ADCY2: variants seen among roughly 807,000 people sequenced by gnomAD.
ADCY2 encodes adenylate cyclase 2.
A neutral mutation model predicts 125.2 loss-of-function variants in ADCY2; 31 were observed. The observed-to-expected ratio is 0.25, with a 90% confidence interval of 0.19 to 0.33. The LOEUF is 0.33. Among genes scored for constraint, ADCY2 ranks in the 10% least tolerant of loss-of-function variants. The pLI is 1.00. For missense variants in ADCY2, 904 were observed against 1,418.2 expected (o/e 0.64, Z 5.82); for synonymous variants, 512 against 548.4 (o/e 0.93, Z 0.93).
intron 3 of ADCY2, among the ~76,000 whole-genome samples, chr5:7,566,123 A>G: frequency 6.6e-6 from 1 of 152,188 alleles, no homozygotes; most frequent in South Asian, 2.1e-4. Flanking sequence ...AATTGCACCA[A>G]GATGGGTCAG....
intron 2 of ADCY2, among the ~76,000 whole-genome samples, chr5:7,496,810 G>C (rs1261401258): frequency 6.6e-6 from 1 of 152,004 alleles, no homozygotes; most frequent in Non-Finnish European, 1.5e-5. Flanking sequence ...CAAATATAAT[G>C]GGGCAATAAC....
chr5:7,427,699 T>C (rs1353484898), intron 2 of ADCY2, among the ~76,000 whole-genome samples: 1 of 152,184 alleles, frequency 6.6e-6, no homozygotes, highest in Non-Finnish European at 1.5e-5. Context: ...CCAAATAAGG[T>C]CACATTCTGA....
chr5:7,714,330 T>G (rs1741530178), intron 11 of ADCY2, among the ~76,000 whole-genome samples: 2 of 152,204 alleles, frequency 1.3e-5, no homozygotes, highest in African/African-American at 2.4e-5. Context: ...CAATCCTGCT[T>G]TAAGAGTCTA....
chr5:7,494,931 C>A (rs1468525272), intron 2 of ADCY2, among the ~76,000 whole-genome samples: 1 of 152,230 alleles, frequency 6.6e-6, no homozygotes, highest in Admixed American at 6.5e-5. Context: ...TGAGAGAACA[C>A]CGGACCAGCT....
intron 19 of ADCY2, among the ~76,000 whole-genome samples, chr5:7,788,842 A>G (rs1434239335): frequency 6.6e-6 from 1 of 152,228 alleles, no homozygotes; most frequent in Non-Finnish European, 1.5e-5. Context: ...CACACTCTCC[A>G]CTAAGCCCTT....
chr5:7,457,443 C>T (rs1033561561), intron 2 of ADCY2, among the ~76,000 whole-genome samples: 4 of 152,060 alleles, frequency 2.6e-5, no homozygotes, highest in Non-Finnish European at 4.4e-5. Flanking sequence ...CAGCAGGTGG[C>T]TCCAGGCTCT....
intron 3 of ADCY2, among the ~76,000 whole-genome samples, chr5:7,527,516 C>G (rs1734515414): frequency 6.6e-6 from 1 of 152,022 alleles, no homozygotes. Flanking sequence ...CTTTTATTTT[C>G]CCTTGAGAGG....
intron 3 of ADCY2, among the ~76,000 whole-genome samples, chr5:7,613,201 G>C (rs1737631962): frequency 6.6e-6 from 1 of 151,772 alleles, no homozygotes; most frequent in Non-Finnish European, 1.5e-5. Context: ...TAACTCATAA[G>C]CTGAGCTCTG....
intron 3 of ADCY2, among the ~76,000 whole-genome samples, chr5:7,596,232 A>G (rs1736996079): frequency 6.6e-6 from 1 of 151,612 alleles, no homozygotes; most frequent in Non-Finnish European, 1.5e-5. Flanking sequence ...CAGCCTTGCC[A>G]ATGGATACTT....
intron 2 of ADCY2, among the ~76,000 whole-genome samples, chr5:7,519,930 A>G (rs1403118661): frequency 6.6e-6 from 1 of 152,150 alleles, no homozygotes; most frequent in Admixed American, 6.5e-5. Flanking sequence ...TTTTGCCCAG[A>G]TTTTATTCAC....
chr5:7,678,356 A>G (rs982074350), intron 4 of ADCY2, among the ~76,000 whole-genome samples: 1 of 152,202 alleles, frequency 6.6e-6, no homozygotes, highest in Non-Finnish European at 1.5e-5. Context: ...CTACAGAATA[A>G]CAGAAAGGAG....
chr5:7,631,085 C>G (rs528340101), intron 4 of ADCY2, among the ~76,000 whole-genome samples: 91 of 152,180 alleles, frequency 6.0e-4, no homozygotes, highest in Non-Finnish European at 1.1e-3. Context: ...GCCACTGAGC[C>G]CGGCCTGTCT....
At chr5:7,434,562 A>G (rs1740724611) in intron 2 of ADCY2, among the ~76,000 whole-genome samples, 1 of 152,234 alleles carries the variant, frequency 6.6e-6, no homozygotes, top group African/African-American at 2.4e-5. Flanking sequence ...ACCCAGGTCA[A>G]GTGTAGGACA....
At chr5:7,493,459 T>C (rs1743238580) in intron 2 of ADCY2, among the ~76,000 whole-genome samples, 1 of 152,086 alleles carries the variant, frequency 6.6e-6, no homozygotes, top group Non-Finnish European at 1.5e-5. Context: ...CATAAGCCTG[T>C]TTTTAAACTG....
At chr5:7,631,967 A>G (rs763187305) in intron 4 of ADCY2, among the ~76,000 whole-genome samples, 2 of 152,136 alleles carry the variant, frequency 1.3e-5, no homozygotes, top group Non-Finnish European at 2.9e-5. Context: ...TGTTTTACCC[A>G]ATTGTCTTCA....
intron 24 of ADCY2, among the ~76,000 whole-genome samples, chr5:7,825,261 TG>T (rs1245930751): frequency 6.6e-6 from 1 of 152,126 alleles, no homozygotes; most frequent in Non-Finnish European, 1.5e-5. Context: ...AACGCTGCTG[TG>T]TGCCATGACA....
chr5:7,414,091 C>T (rs922405166), intron 1 of ADCY2, among the ~76,000 whole-genome samples: 1 of 152,178 alleles, frequency 6.6e-6, no homozygotes, highest in Non-Finnish European at 1.5e-5. Flanking sequence ...CCCATCAAAA[C>T]ATTAATTGCC....
rs1739054264 is a variant in ADCY2 at position 7,396,617 on chromosome 5, TCGGCCCG to T, written c.210+116_210+122del. The T allele has an allele frequency of 2.6e-6, 2 of 773,268 alleles. No homozygotes were observed. Among genetic ancestry groups the T allele is most frequent in the Non-Finnish European group, 3.5e-6 (2 of 573,370 alleles). 47.9% of individuals were successfully genotyped at this position (773,268 alleles called of 1,614,324 possible). On this transcript the variant is annotated intron_variant, in intron 1 of 24. Transcript: ENST00000338316. The surrounding 1 kb of genome is among the most constrained non-coding windows in gnomAD (Gnocchi z 5.7). The stretch of plus-strand genomic sequence containing the variant: ...CTGCCCCTCGGCCCGCGGCAGCCCC[TCGGCCCG>T]CGGCAGCCCCTCGGCCCGCGGCTCC...
chr5:7,758,009 C>T (rs1204704989), intron 16 of ADCY2, among the ~76,000 whole-genome samples: 1 of 152,134 alleles, frequency 6.6e-6, no homozygotes, highest in Non-Finnish European at 1.5e-5. Flanking sequence ...TCATGAGGGA[C>T]AAAGGAACCC....
Sources: allele counts gnomAD v4.1 joint callset (sites outside exome capture counted in the v4.1 genomes callset), GRCh38; gene constraint gnomAD v4.1.1; non-coding constraint Gnocchi (gnomAD v3.1); transcripts MANE v1.5; gene names NCBI Gene and HGNC (gene_info 2026-07-23, HGNC 2026-07-21).